The following RNF207 variants were observed in gnomAD, a reference collection of about 807,000 sequenced individuals.
RNF207 encodes the protein ring finger protein 207, also known as OTTHUMG00000001089.
Under a neutral mutation model 79.0 loss-of-function variants are expected in RNF207, and 72 were observed. The observed-to-expected ratio is 0.91, with a 90% CI of 0.75 to 1.11. The LOEUF is 1.11. RNF207 is among the 50% of genes least tolerant of loss of function. RNF207 has a pLI of 0.00. For missense variants in RNF207, 936 were observed against 855.8 expected, an observed-to-expected ratio of 1.09 and a Z score of -1.17; for synonymous variants, 348 against 366.2, an observed-to-expected ratio of 0.95 and a Z score of 0.57.
At position 6,212,606 on chromosome 1, in the gene RNF207, A is replaced by G. The variant is rs1024823143; in HGVS notation, c.1483-76A>G. 1.1e-5 allele frequency: 15 copies of G among 1,369,582 alleles called. No homozygotes were observed. In the East Asian group the frequency reaches 3.2e-4, roughly 29 times the overall value. 84.8% of individuals were successfully genotyped at this position (1,369,582 alleles called of 1,614,324 possible). On this transcript the variant is annotated intron_variant, in intron 14 of 17. Transcript: ENST00000377939. ...GGCTGGGGGGTGCTTTGTAGATCTG[A>G]GTAGCTAGAGATAGCAATGCCGCCA...
At position 6,209,041 on chromosome 1, in the gene RNF207, G is replaced by C; in HGVS notation, c.469+16G>C. The C allele has an allele frequency of 1.9e-6, 3 of 1,543,012 alleles. No homozygotes were observed. The highest frequency in any genetic ancestry group is 2.6e-6 in the Non-Finnish European group (3 of 1,145,388). ...CAGAAGTGCAGTGAGTGAGGCTTGC[G>C]GGGCCGGGGACTTGGGGGTGGGGGC... On this transcript the variant is annotated intron_variant, in intron 4 of 17. Transcript: ENST00000377939.
chr1:6,216,562 CT>C (rs60430154), intron 16 of RNF207, among the ~76,000 whole-genome samples: 477 of 139,804 alleles, frequency 3.4e-3, no homozygotes, highest in African/African-American at 5.8e-3. Context: ...CCATATTCAT[CT>C]TTTTTTTTTT....
chr1:6,209,977 TG>T lies in RNF207; in HGVS notation c.800+13del, dbSNP rs761924553. On this transcript the variant is annotated splice_region_variant and intron_variant, in intron 8 of 17. Transcript: ENST00000377939. ...TGCTGCAGGCTGTGCAGAGGTGAGT[TG>T]GGGGGAGCGGGGCTTGCTTCCCTTA... The T allele has an allele frequency of 6.3e-6, 10 of 1,582,280 alleles. No individual in the cohort carries two copies. Among genetic ancestry groups the T allele is most frequent in the South Asian group, 2.3e-5 (2 of 86,910 alleles).
In RNF207 at chr1:6,217,542, C is replaced by G. The variant is rs1224180378; in HGVS notation, c.1653-747C>G. On this transcript the variant is annotated intron_variant, in intron 16 of 17. Coordinates refer to ENST00000377939, the MANE Select transcript of RNF207 (RefSeq NM_207396.3). The surrounding 1 kb of genome is among the most constrained non-coding windows in gnomAD (Gnocchi z 4.2). The stretch of plus-strand genomic sequence containing the variant: ...GACGTCCTCCCGCAGACATGCTATT[C>G]CCATCTCCCCATCTCAGTGAATAGC... Among the ~76,000 whole-genome samples, 1 of 152,172 alleles carries G rather than the reference C, an allele frequency of 6.6e-6. No homozygotes were observed. Among genetic ancestry groups the G allele is most frequent in the African/African-American group, 2.4e-5 (1 of 41,420 alleles).
In RNF207 at chr1:6,219,963, A is replaced by AT. The variant is rs143985988; in HGVS notation, c.*562dup. ...AGGCATGTACCATCACACCCGGCTA[A>AT]TTTTTTGTATTTTAAGTAGAGAGGG... On this transcript the variant is annotated 3_prime_UTR_variant, in exon 18 of 18. Transcript: ENST00000377939. 12,099 of 151,874 alleles carry AT rather than the reference A, an allele frequency of 0.08. 805 individuals carry two copies. The highest frequency in any genetic ancestry group is 0.18 in the African/African-American group (7,529 of 41,314). The allele number at this position is 151,874 out of a possible 1,614,324, so 9.4% of individuals were successfully genotyped here.
intron 16 of RNF207, among the ~76,000 whole-genome samples, chr1:6,215,988 G>T (rs1276043430): frequency 6.6e-6 from 1 of 152,186 alleles, no homozygotes; most frequent in Non-Finnish European, 1.5e-5. Flanking sequence ...GATCAGGGTG[G>T]GTGGGCTCTT....
In RNF207 at chr1:6,208,743, G is replaced by T. The variant is rs567554079; in HGVS notation, c.325-138G>T. 131 of 869,016 alleles carry T rather than the reference G, an allele frequency of 1.5e-4. No individual in the cohort carries two copies. The African/African-American group carries it at 2.2e-3, about 15-fold the overall frequency. 53.8% of individuals were successfully genotyped at this position (869,016 alleles called of 1,614,324 possible). A position where few individuals can be genotyped will look rare whatever the true frequency, so the allele number is the denominator to read the frequency against. ...GGTATATCAGAGCGCCAAGTGCCTG[G>T]ATTACAGGAAAGGGCTGCGTTTAGC... On this transcript the variant is annotated intron_variant, in intron 3 of 17. Coordinates refer to ENST00000377939, the MANE Select transcript of RNF207 (RefSeq NM_207396.3).
At chr1:6,210,464 G>T in intron 10 of RNF207, 26 bp downstream of exon 10, 1 of 1,587,128 alleles carries the variant, frequency 6.3e-7, no homozygotes. Flanking sequence ...TCCTGCAGAT[G>T]CCCCCTCCCC....
At chr1:6,206,443 T>C (rs1667902336) in intron 1 of RNF207, 93 bp from the exon 2 acceptor site, 7 of 894,904 alleles carry the variant, frequency 7.8e-6, no homozygotes, top group South Asian at 1.7e-5. Context: ...CCAGGCGCGA[T>C]AGGGAGGGCG....
Position 6,207,310 on chromosome 1 carries a change from T to A in RNF207, c.192-69T>A. 1.4e-6 allele frequency: 2 copies of A among 1,450,036 alleles called. No individual in the cohort carries two copies. The highest frequency in any genetic ancestry group is 1.4e-5 in the South Asian group (1 of 70,958). The allele number at this position is 1,450,036 out of a possible 1,614,324, so 89.8% of individuals were successfully genotyped here. A position where few individuals can be genotyped will look rare whatever the true frequency, so the allele number is the denominator to read the frequency against. The stretch of plus-strand genomic sequence containing the variant: ...AGCTATTTTTAGCTCCAGCCTGGAA[T>A]GTGAGGGGTGGGGGTGGGGAGCCCT... On this transcript the variant is annotated intron_variant, in intron 2 of 17. Transcript: ENST00000377939. The surrounding 1 kb of genome is among the most constrained non-coding windows in gnomAD (Gnocchi z 4.5).
Position 6,206,170 on chromosome 1 carries a change from T to C in RNF207, c.-133T>C. On this transcript the variant is annotated 5_prime_UTR_variant, in exon 1 of 18. Transcript: ENST00000377939. ...ACCATCGCCCGGTGCGGGCCTGAAC[T>C]TCCAGGGCCGGCTACTCCTCGGCAG... The C allele has an allele frequency of 4.4e-6, 1 of 225,140 alleles. No individual in the cohort carries two copies. Among genetic ancestry groups the C allele is most frequent in the Non-Finnish European group, 8.6e-6 (1 of 115,892 alleles). 13.9% of individuals were successfully genotyped at this position (225,140 alleles called of 1,614,324 possible).
At chr1:6,210,535 G>A in intron 10 of RNF207, 97 bp downstream of exon 10, 1 of 937,884 alleles carries the variant, frequency 1.1e-6, no homozygotes, top group Non-Finnish European at 1.6e-6. Flanking sequence ...CTGTCACCTG[G>A]AGCCTGGACC....
In RNF207 at chr1:6,209,514, T is replaced by G. The variant is rs753993258; in HGVS notation, c.728T>G (p.Ile243Ser). The G allele has an allele frequency of 6.8e-6, 10 of 1,471,470 alleles. No homozygotes were observed. The East Asian group carries it at 2.5e-4, about 37-fold the overall frequency. 91.2% of individuals were successfully genotyped at this position (1,471,470 alleles called of 1,614,324 possible). ...AGCGCCGCCGAGGAGGAGGACGCTA[T>G]CCACGCCCTCTTCGGCAGCATGCAG... The part of the protein sequence containing the change: ...RHSAAEEEDA[I>S]HALFGSMQDR... Residue 243 changes from isoleucine (I) to serine (S), a missense_variant, in exon 7 of 18, where the codon ATC becomes AGC. Coordinates refer to ENST00000377939, the MANE Select transcript of RNF207 (RefSeq NM_207396.3).
Position 6,212,420 on chromosome 1 carries a change from G to C in RNF207, c.1482+4G>C. 6.2e-7 allele frequency: 1 copy of C among 1,603,840 alleles called. No homozygotes were observed. The highest frequency in any genetic ancestry group is 8.5e-7 in the Non-Finnish European group (1 of 1,175,166). ...CATGAGGGTCGTCTTCCAGGAGGTA[G>C]CCCTCCCAAGGACTCTAACTCCAGC... On this transcript the variant is annotated splice_donor_region_variant and intron_variant, in intron 14 of 17. Coordinates refer to ENST00000377939, the MANE Select transcript of RNF207 (RefSeq NM_207396.3).
chr1:6,206,134 G>T lies in RNF207; in HGVS notation c.-169G>T. 1 of 179,154 alleles carries T rather than the reference G, an allele frequency of 5.6e-6. No individual in the cohort carries two copies. Among genetic ancestry groups the T allele is most frequent in the South Asian group, 1.6e-4 (1 of 6,296 alleles). The allele number at this position is 179,154 out of a possible 1,614,324, so 11.1% of individuals were successfully genotyped here. On this transcript the variant is annotated 5_prime_UTR_variant, in exon 1 of 18. Coordinates refer to ENST00000377939, the MANE Select transcript of RNF207 (RefSeq NM_207396.3). ...AGGCCACGGCAGAGGGAGGCCCCGC[G>T]CAGAGTGGGAACCATCGCCCGGTGC...
intron 15 of RNF207, 100 bp downstream of exon 15, chr1:6,212,833 C>A (rs2100937717): frequency 2.0e-6 from 2 of 1,011,312 alleles, no homozygotes; most frequent in East Asian, 2.4e-5. Context: ...AGATGCAAAT[C>A]CCCACACTCT....
rs1386296707 is a variant in RNF207 at position 6,211,286 on chromosome 1, A to C, written c.1109+168A>C. ...GGGTGTCTGGGCACAGGGGATGGCC[A>C]GGGCGAGTCCACTAAGTAGGGGAAC... On this transcript the variant is annotated intron_variant, in intron 12 of 17. Transcript: ENST00000377939. The surrounding 1 kb of genome is among the most constrained non-coding windows in gnomAD (Gnocchi z 4.2). Among the ~76,000 whole-genome samples the C allele has an allele frequency of 6.6e-6, 1 of 152,146 alleles. No homozygotes were observed. Among genetic ancestry groups the C allele is most frequent in the Admixed American group, 6.5e-5 (1 of 15,286 alleles).
chr1:6,217,956 G>C lies in RNF207; in HGVS notation c.1653-333G>C, dbSNP rs1247269776. Among the ~76,000 whole-genome samples, 2 of 152,208 alleles carry C rather than the reference G, an allele frequency of 1.3e-5. No homozygotes were observed. Among genetic ancestry groups the C allele is most frequent in the African/African-American group, 2.4e-5 (1 of 41,458 alleles). On this transcript the variant is annotated intron_variant, in intron 16 of 17. Transcript: ENST00000377939. This position sits in a 1 kb window ranked among gnomAD's most constrained non-coding sequence, Gnocchi z 4.2. ...TTCACAGACCCTCAGTCGGGCCCCA[G>C]CTTGGATGAGTGTCAGCAGAGGCCC...
chr1:6,209,486 C>T lies in RNF207; in HGVS notation c.700C>T (p.His234Tyr). ...GCAGGCCATGGTGGAGGAGGTGCGG[C>T]ACAGCGCCGCCGAGGAGGAGGACGC... ...LLQAMVEEVR[H>Y]SAAEEEDAIH... The change falls in exon 7 of 18, where the codon CAC becomes TAC. Residue 234 changes from histidine (H) to tyrosine (Y), a missense_variant. Physicochemically the swap from His to Tyr is moderately conservative, Grantham distance 83. Transcript: ENST00000377939. The T allele has an allele frequency of 6.7e-7, 1 of 1,484,540 alleles. No individual in the cohort carries two copies. The highest frequency in any genetic ancestry group is 8.9e-7 in the Non-Finnish European group (1 of 1,125,474). The allele number at this position is 1,484,540 out of a possible 1,614,324, so 92.0% of individuals were successfully genotyped here.
Sources: allele counts gnomAD v4.1 joint callset (sites outside exome capture counted in the v4.1 genomes callset), GRCh38; gene constraint gnomAD v4.1.1; non-coding constraint Gnocchi (gnomAD v3.1); transcripts MANE v1.5; gene names NCBI Gene and HGNC (gene_info 2026-07-23, HGNC 2026-07-21).